Variants in HES6 observed in about 807,000 individuals in gnomAD.
HES6 encodes the protein transcription cofactor HES-6.
In HES6, 24 loss-of-function variants were observed where a neutral mutation model predicts 16.4. That is an observed-to-expected ratio of 1.46 (90% CI 1.06 to 2.06). The LOEUF is 2.06. HES6 is among the 30% of genes most tolerant of loss of function. The pLI is 0.00. For synonymous variants in HES6, 159 were observed against 144.3 expected (o/e 1.10, Z -0.73); for missense variants, 355 against 317.6 (o/e 1.12, Z -0.90).
Position 238,239,815 on chromosome 2 carries a change from C to G in HES6, c.81+10G>C. ...CCGCCCGCTTGCTCGCCCATGGCCC[C>G]GGCCCGCACCTTGCGGTCCCCTCGC... is the stretch of plus-strand genomic sequence containing the variant. On this transcript the variant is annotated intron_variant, in intron 1 of 3. Coordinates refer to ENST00000272937, the MANE Select transcript of HES6 (RefSeq NM_018645.6). 1.4e-6 allele frequency: 2 copies of G among 1,403,446 alleles called. No homozygotes were observed. The highest frequency in any genetic ancestry group is 9.3e-7 in the Non-Finnish European group (1 of 1,069,874). 86.9% of individuals were successfully genotyped at this position (1,403,446 alleles called of 1,614,324 possible).
Position 238,239,470 on chromosome 2 carries a change from G to T in HES6, c.250+17C>A. 8.8e-7 allele frequency: 1 copy of T among 1,136,908 alleles called. No individual in the cohort carries two copies. Among genetic ancestry groups the T allele is most frequent in the South Asian group, 2.9e-5 (1 of 34,250 alleles). The allele number at this position is 1,136,908 out of a possible 1,614,324, so 70.4% of individuals were successfully genotyped here. On this transcript the variant is annotated intron_variant, in intron 3 of 3. Coordinates refer to ENST00000272937, the MANE Select transcript of HES6 (RefSeq NM_018645.6). Reference sequence around the variant, plus strand: ...GCGCCCGCGGCCGGCGCCCCCGCCCGCCCCGCCGCCACTCACCGCGCGCCC... The same window carrying T: ...GCGCCCGCGGCCGGCGCCCCCGCCCTCCCCGCCGCCACTCACCGCGCGCCC...
At position 238,238,731 on chromosome 2, in the gene HES6, T is replaced by C; in HGVS notation, c.*96A>G. The C allele has an allele frequency of 5.5e-6, 7 of 1,265,704 alleles. No homozygotes were observed. The highest frequency in any genetic ancestry group is 7.6e-6 in the Non-Finnish European group (7 of 921,338). 78.4% of individuals were successfully genotyped at this position (1,265,704 alleles called of 1,614,324 possible). ...GGAGGGAGGGAAGACCTGGGAGACT[T>C]CCAGGGCCCTACCCCACCACATCTG... On this transcript the variant is annotated 3_prime_UTR_variant, in exon 4 of 4. Coordinates refer to ENST00000272937, the MANE Select transcript of HES6 (RefSeq NM_018645.6).
In HES6 at chr2:238,238,952, C is replaced by A; in HGVS notation, c.550G>T (p.Asp184Tyr). 6.2e-7 allele frequency: 1 copy of A among 1,601,154 alleles called. No homozygotes were observed. The highest frequency in any genetic ancestry group is 8.5e-7 in the Non-Finnish European group (1 of 1,175,654). The change falls in exon 4 of 4, where the codon GAC (aspartate) becomes TAC (tyrosine). Residue 184 changes from aspartate to tyrosine, a missense_variant. Transcript: ENST00000272937. ...PPGPGDDLCS[D>Y]LEEAPEAELS... ...TCAGCCTCAGGGGCCTCCTCCAGGT[C>A]GGAGCACAGGTCGTCCCCAGGACCC...
Position 238,239,837 on chromosome 2 carries a change from T to C in HES6, c.69A>G (p.Arg23=). The C allele has an allele frequency of 7.2e-7, 1 of 1,391,004 alleles. No individual in the cohort carries two copies. Among genetic ancestry groups the C allele is most frequent in the Non-Finnish European group, 9.4e-7 (1 of 1,063,456 alleles). The allele number at this position is 1,391,004 out of a possible 1,614,324, so 86.2% of individuals were successfully genotyped here. ...CCCCGGCCCGCACCTTGCGGTCCCCTCGCGTCTCCCAGCCGTCCTCATCCT... is the reference window on the plus strand; with the variant it reads ...CCCCGGCCCGCACCTTGCGGTCCCCCCGCGTCTCCCAGCCGTCCTCATCCT... The part of the protein sequence containing the change: ...GREDEDGWET[R]GDRKARKPLV... The change falls in exon 1 of 4, where the codon CGA becomes CGG. Residue 23 remains arginine (R), a synonymous_variant. Transcript: ENST00000272937.
In HES6 at chr2:238,239,581, G is replaced by A; in HGVS notation, c.169-13C>T. ...GCTTGGCCTGCACCTGCGCGGGCGG[G>A]AAGGGCGGTGAGCCGGCAGCGCGCT... On this transcript the variant is annotated splice_polypyrimidine_tract_variant and intron_variant, in intron 2 of 3. Coordinates refer to ENST00000272937, the MANE Select transcript of HES6 (RefSeq NM_018645.6). 2 of 1,212,546 alleles carry A rather than the reference G, an allele frequency of 1.6e-6. No homozygotes were observed. Among genetic ancestry groups the A allele is most frequent in the Non-Finnish European group, 2.0e-6 (2 of 977,108 alleles). 75.1% of individuals were successfully genotyped at this position (1,212,546 alleles called of 1,614,324 possible).
rs774094838 is a variant in HES6, at chr2:238,239,142, G to A, written c.360C>T (p.Thr120=). The A allele has an allele frequency of 7.4e-6, 12 of 1,612,486 alleles. No homozygotes were observed. The African/African-American group carries it at 1.2e-4, about 16-fold the overall frequency. Residue 120 remains threonine, a synonymous_variant, in exon 4 of 4, where the codon ACC becomes ACT. Transcript: ENST00000272937. ...GATGGTTCAGGAGCTCGGCAGCGAC[G>A]GTAGCGTCGATGGCCTGGCACGTGG... ...FVSTCQAIDA[T]VAAELLNHLL...
rs776111913 is a variant in HES6, at chr2:238,239,249, G to A, written c.253C>T (p.Arg85Cys). The A allele has an allele frequency of 6.9e-6, 11 of 1,604,040 alleles. No individual in the cohort carries two copies. Among genetic ancestry groups the A allele is most frequent in the African/African-American group, 1.3e-5 (1 of 74,874 alleles). ...CTCGCTTCCGCCTGCAGCTGCTCGC[G>A]CTCTGGGCCCGAGGGTGGGAGGGAG... ...QGVLRGRARE[R>C]EQLQAEASER... The change falls in exon 4 of 4, where the codon CGC becomes TGC. Residue 85 changes from arginine (R) to cysteine (C), a missense_variant and splice_region_variant. By Grantham distance (180) the Arg-to-Cys change is radical. Transcript: ENST00000272937.
In HES6 at chr2:238,238,697, T is replaced by TC; in HGVS notation, c.*129dup. ...TTACCAGGGGCTGCCCTGCAAGCCA[T>TC]CCATCAGAGGAGGGAGGGAAGACCT... On this transcript the variant is annotated 3_prime_UTR_variant, in exon 4 of 4. Transcript: ENST00000272937. 1 of 916,114 alleles carries TC rather than the reference T, an allele frequency of 1.1e-6. No individual in the cohort carries two copies. The highest frequency in any genetic ancestry group is 1.6e-6 in the Non-Finnish European group (1 of 611,198). The allele number at this position is 916,114 out of a possible 1,614,324, so 56.7% of individuals were successfully genotyped here.
intron 3 of HES6, 77 bp from the exon 4 acceptor site, chr2:238,239,328 C>G: frequency 2.1e-6 from 3 of 1,444,408 alleles, no homozygotes; most frequent in Non-Finnish European, 2.7e-6. Flanking sequence ...CCACCCGGCC[C>G]GCGGGGACGC....
Position 238,239,526 on chromosome 2 carries a change from C to T in HES6, c.211G>A (p.Val71Met). ...CGCAGCACACCCTGGACCCGCCGCACCGTCAGCTCCAGCACTTCGGCGTTC... is the reference window on the plus strand; with the variant it reads ...CGCAGCACACCCTGGACCCGCCGCATCGTCAGCTCCAGCACTTCGGCGTTC... The part of the protein sequence containing the change: ...LENAEVLELT[V>M]RRVQGVLRGR... The change falls in exon 3 of 4, where the codon GTG becomes ATG. Residue 71 changes from valine to methionine, a missense_variant. Coordinates refer to ENST00000272937, the MANE Select transcript of HES6 (RefSeq NM_018645.6). The T allele has an allele frequency of 7.5e-7, 1 of 1,330,622 alleles. No homozygotes were observed. Among genetic ancestry groups the T allele is most frequent in the Non-Finnish European group, 9.6e-7 (1 of 1,037,958 alleles). 82.4% of individuals were successfully genotyped at this position (1,330,622 alleles called of 1,614,324 possible). A position where few individuals can be genotyped will look rare whatever the true frequency, so the allele number is the denominator to read the frequency against.
intron 2 of HES6, 43 bp from the exon 3 acceptor site, chr2:238,239,611 G>GGGGGGGGGCCCCCCCCCCCC: frequency 8.8e-7 from 1 of 1,135,694 alleles, no homozygotes. Context: ...CGCGCTCCCG[G>GGGGGGGGGCCCCCCCCCCCC]ACCCGCCCGC....
In HES6 at chr2:238,238,757, A is replaced by T; in HGVS notation, c.*70T>A. 7.0e-7 allele frequency: 1 copy of T among 1,432,174 alleles called. No homozygotes were observed. Among genetic ancestry groups the T allele is most frequent in the Non-Finnish European group, 9.4e-7 (1 of 1,059,956 alleles). The allele number at this position is 1,432,174 out of a possible 1,614,324, so 88.7% of individuals were successfully genotyped here. A position where few individuals can be genotyped will look rare whatever the true frequency, so the allele number is the denominator to read the frequency against. ...CCAGGGCCCTACCCCACCACATCTG[A>T]ACCCCTGGGAGGAGGGAGGAGATCC... On this transcript the variant is annotated 3_prime_UTR_variant, in exon 4 of 4. Coordinates refer to ENST00000272937, the MANE Select transcript of HES6 (RefSeq NM_018645.6).
rs1695214133 is a variant in HES6 at position 238,238,523 on chromosome 2, G to T, written c.*304C>A. 2 of 421,672 alleles carry T rather than the reference G, an allele frequency of 4.7e-6. No homozygotes were observed. Among genetic ancestry groups the T allele is most frequent in the South Asian group, 2.6e-5 (1 of 37,798 alleles). 26.1% of individuals were successfully genotyped at this position (421,672 alleles called of 1,614,324 possible). ...CTGCCCCCAGAGCCCGCACAGGGCT[G>T]GTGAAGCCTGGGTGGGTGAACCTGG... On this transcript the variant is annotated 3_prime_UTR_variant, in exon 4 of 4. Transcript: ENST00000272937.
Position 238,239,250 on chromosome 2 carries a change from C to A in HES6, c.252G>T (p.Glu84Asp), listed in dbSNP as rs1175040294. Residue 84 changes from glutamate (E) to aspartate (D), a missense_variant and splice_region_variant, in exon 4 of 4, where the codon GAG (glutamate) becomes GAT (aspartate). Coordinates refer to ENST00000272937, the MANE Select transcript of HES6 (RefSeq NM_018645.6). ...VQGVLRGRAR[E>D]REQLQAEASE... ...TCGCTTCCGCCTGCAGCTGCTCGCG[C>A]TCTGGGCCCGAGGGTGGGAGGGAGA... 1.2e-6 allele frequency: 2 copies of A among 1,603,954 alleles called. No homozygotes were observed. Among genetic ancestry groups the A allele is most frequent in the Non-Finnish European group, 1.7e-6 (2 of 1,178,734 alleles).
At chr2:238,239,309 T>TGGCCC in intron 3 of HES6, 58 bp from the exon 4 acceptor site, 1 of 1,543,620 alleles carries the variant, frequency 6.5e-7, no homozygotes, top group Non-Finnish European at 8.7e-7. Flanking sequence ...GGCGACTGCG[T>TGGCCC]GGCCCAGCCC....
Position 238,240,011 on chromosome 2 carries a change from G to A in HES6, c.-106C>T. Reference sequence around the variant, plus strand: ...GCTGCCCCGCGGCCGCCCAGCAGCAGCCCAGCCGTCCGCGCTCCTCGCGGC... The same window carrying A: ...GCTGCCCCGCGGCCGCCCAGCAGCAACCCAGCCGTCCGCGCTCCTCGCGGC... On this transcript the variant is annotated 5_prime_UTR_variant, in exon 1 of 4. Coordinates refer to ENST00000272937, the MANE Select transcript of HES6 (RefSeq NM_018645.6). 2 of 620,224 alleles carry A rather than the reference G, an allele frequency of 3.2e-6. No individual in the cohort carries two copies. The highest frequency in any genetic ancestry group is 4.4e-6 in the Non-Finnish European group (2 of 456,602). The allele number at this position is 620,224 out of a possible 1,614,324, so 38.4% of individuals were successfully genotyped here.
In HES6 at chr2:238,239,011, C is replaced by T. The variant is rs770625626; in HGVS notation, c.491G>A (p.Gly164Glu). Residue 164 changes from glycine (G) to glutamate (E), a missense_variant, in exon 4 of 4, where the codon GGG becomes GAG. Gly to Glu is a moderately conservative substitution (Grantham distance 98). Transcript: ENST00000272937. ...RAPGRSGWPA[G>E]GAPGSPIPSP... ...GGGTATTGGGGATCCCGGAGCGCCC[C>T]CCGCAGGCCAGCCACTCCGTCCAGG... The T allele has an allele frequency of 9.3e-6, 15 of 1,608,062 alleles. No individual in the cohort carries two copies. Among genetic ancestry groups the T allele is most frequent in the Non-Finnish European group, 1.3e-5 (15 of 1,178,578 alleles).
In HES6 at chr2:238,239,495, C is replaced by T; in HGVS notation, c.242G>A (p.Arg81Gln). 2 of 1,291,546 alleles carry T rather than the reference C, an allele frequency of 1.5e-6. No homozygotes were observed. The highest frequency in any genetic ancestry group is 2.0e-6 in the Non-Finnish European group (2 of 1,025,506). The allele number at this position is 1,291,546 out of a possible 1,614,324, so 80.0% of individuals were successfully genotyped here. The change falls in exon 3 of 4, where the codon CGG (arginine) becomes CAG (glutamine). Residue 81 changes from arginine to glutamine, a missense_variant. Transcript: ENST00000272937. ...GCCCCGCCGCCACTCACCGCGCGCC[C>T]GGCCCCGCAGCACACCCTGGACCCG... Reference protein sequence around the residue: ...VRRVQGVLRGRAREREQLQAE... With the variant: ...VRRVQGVLRGQAREREQLQAE...
chr2:238,239,611 G>GGGGC, intron 2 of HES6, 43 bp from the exon 3 acceptor site: 19 of 1,135,568 alleles, frequency 1.7e-5, no homozygotes, highest in Non-Finnish European at 2.1e-5. Flanking sequence ...CGCGCTCCCG[G>GGGGC]ACCCGCCCGC....
Sources: allele counts gnomAD v4.1 joint callset, GRCh38; gene constraint gnomAD v4.1.1; transcripts MANE v1.5; gene names NCBI Gene and HGNC (gene_info 2026-07-23, HGNC 2026-07-21).